Variants in GREB1L observed in about 807,000 individuals in gnomAD.
GREB1L encodes the protein GREB1 like retinoic acid receptor coactivator, also known as GREB1-like protein.
GREB1L carries 17 observed loss-of-function variants against 200.8 expected under a neutral mutation model. The ratio of observed to expected loss-of-function variants is 0.08; its 90% CI spans 0.06 to 0.13. GREB1L has a LOEUF of 0.13. Ranked by LOEUF, GREB1L falls within the 10% of genes least tolerant of loss-of-function variation. The pLI is 1.00. For missense variants in GREB1L, 1,657 were observed against 2,367.7 expected (o/e 0.70, Z 6.23); for synonymous variants, 789 against 893.0 (o/e 0.88, Z 2.08).
chr18:21,316,036 C>T (rs536023809), intron 1 of GREB1L, among the ~76,000 whole-genome samples: 3 of 152,210 alleles, frequency 2.0e-5, no homozygotes, highest in East Asian at 1.9e-4. Flanking sequence ...ACCTTTTCAT[C>T]GTGGCATTTC....
chr18:21,321,166 C>T (rs1423217130), intron 1 of GREB1L, among the ~76,000 whole-genome samples: 1 of 151,336 alleles, frequency 6.6e-6, no homozygotes, highest in African/African-American at 2.4e-5. Flanking sequence ...TGGTGGCATG[C>T]GCCTGTAATC....
At chr18:21,404,592 G>C (rs1348382077) in intron 7 of GREB1L, among the ~76,000 whole-genome samples, 1 of 152,206 alleles carries the variant, frequency 6.6e-6, no homozygotes, top group Middle Eastern at 3.2e-3. Context: ...CTACCAGTCT[G>C]AGGCTTCTAA....
At chr18:21,354,725 A>G (rs2039479832) in intron 1 of GREB1L, among the ~76,000 whole-genome samples, 1 of 152,178 alleles carries the variant, frequency 6.6e-6, no homozygotes, top group South Asian at 2.1e-4. Flanking sequence ...GGGCAAAAGA[A>G]GTTTAAATAG....
At chr18:21,440,232 G>A in intron 8 of GREB1L, 37 bp from the exon 9 acceptor site, 1 of 1,549,802 alleles carries the variant, frequency 6.5e-7, no homozygotes, top group Non-Finnish European at 8.7e-7. Context: ...CTGAGAACAA[G>A]ACTATCTCTT....
At chr18:21,429,189 T>TTCCCC (rs1222410281) in intron 7 of GREB1L, among the ~76,000 whole-genome samples, 44 of 35,264 alleles carry the variant, frequency 1.2e-3, no homozygotes, top group Non-Finnish European at 1.9e-3. Context: ...TTCCCCTCCC[T>TTCCCC]TCCCCTCCCC....
intron 6 of GREB1L, among the ~76,000 whole-genome samples, chr18:21,403,607 C>T (rs1277839137): frequency 1.3e-5 from 2 of 152,110 alleles, no homozygotes; most frequent in Admixed American, 6.6e-5. Flanking sequence ...ATATTGGTTA[C>T]GAGTATTTTT....
intron 11 of GREB1L, among the ~76,000 whole-genome samples, chr18:21,445,895 T>A (rs751910401): frequency 6.6e-6 from 1 of 152,224 alleles, no homozygotes; most frequent in Non-Finnish European, 1.5e-5. Flanking sequence ...GATTATAGAC[T>A]GTGTTCTAAG....
intron 1 of GREB1L, among the ~76,000 whole-genome samples, chr18:21,291,194 A>AC (rs1268058902): frequency 1.3e-5 from 2 of 152,086 alleles, no homozygotes; most frequent in African/African-American, 4.8e-5. Context: ...TGAGGACCTG[A>AC]CCCATTGTTC....
rs143205105 is a variant in GREB1L, at chr18:21,400,417, T to A, written c.533-733T>A. ...AGGGGAAATAGGAATCTCATGGAACTCCTGTCAGAAAGTATAGCTAGATCT... is the reference window on the plus strand; with the variant it reads ...AGGGGAAATAGGAATCTCATGGAACACCTGTCAGAAAGTATAGCTAGATCT... On this transcript the variant is annotated intron_variant, in intron 5 of 32. Transcript: ENST00000424526. Among the ~76,000 whole-genome samples, 130 of 152,258 alleles carry A rather than the reference T, an allele frequency of 8.5e-4. 1 individual carries two copies. Among genetic ancestry groups the A allele is most frequent in the African/African-American group, 3.0e-3 (125 of 41,566 alleles).
intron 1 of GREB1L, among the ~76,000 whole-genome samples, chr18:21,354,692 C>A (rs563085472): frequency 6.6e-6 from 1 of 152,152 alleles, no homozygotes; most frequent in South Asian, 2.1e-4. Context: ...CCATTAGGAG[C>A]CATGCTTGAG....
At chr18:21,411,433 C>G (rs1204064605) in intron 7 of GREB1L, among the ~76,000 whole-genome samples, 1 of 151,840 alleles carries the variant, frequency 6.6e-6, no homozygotes, top group African/African-American at 2.4e-5. Flanking sequence ...GTCTCGATCT[C>G]CTGACCTCAT....
chr18:21,478,541 GT>G (rs2035798046), intron 17 of GREB1L, among the ~76,000 whole-genome samples: 1 of 152,186 alleles, frequency 6.6e-6, no homozygotes, highest in Non-Finnish European at 1.5e-5. Context: ...AAGTAGGTAA[GT>G]TCTCTGACTT....
chr18:21,464,243 TA>T (rs1339251936), intron 15 of GREB1L, among the ~76,000 whole-genome samples: 2 of 151,976 alleles, frequency 1.3e-5, no homozygotes, highest in Admixed American at 1.3e-4. Flanking sequence ...AAAATGTCAT[TA>T]GGGGGCCGGG....
intron 3 of GREB1L, 33 bp from the exon 4 acceptor site, chr18:21,384,173 A>G: frequency 7.3e-7 from 1 of 1,373,006 alleles, no homozygotes; most frequent in Non-Finnish European, 1.0e-6. Flanking sequence ...GCATCTTTTT[A>G]TTAAATCTGC....
chr18:21,277,341 G>T (rs913981621), intron 1 of GREB1L, among the ~76,000 whole-genome samples: 1 of 152,124 alleles, frequency 6.6e-6, no homozygotes, highest in African/African-American at 2.4e-5. Flanking sequence ...GCCATGCTAG[G>T]GGTACCCTTT....
chr18:21,496,369 G>A, intron 20 of GREB1L, 85 bp from the exon 21 acceptor site: 5 of 1,417,570 alleles, frequency 3.5e-6, no homozygotes, highest in Non-Finnish European at 4.8e-6. Context: ...TAACTGCTGT[G>A]TGTTGCATCC....
chr18:21,389,828 G>A (rs1000695597), intron 4 of GREB1L, among the ~76,000 whole-genome samples: 1 of 152,142 alleles, frequency 6.6e-6, no homozygotes, highest in Non-Finnish European at 1.5e-5. Flanking sequence ...GGTGAATGCC[G>A]ACACAGTCAA....
chr18:21,471,706 C>T (rs909088125), intron 15 of GREB1L, among the ~76,000 whole-genome samples: 13 of 151,012 alleles, frequency 8.6e-5, no homozygotes, highest in Admixed American at 2.0e-4. Flanking sequence ...ACCGCAACCT[C>T]GGCCTCCTGG....
chr18:21,451,818 A>G (rs960511823), intron 13 of GREB1L, among the ~76,000 whole-genome samples: 3 of 152,004 alleles, frequency 2.0e-5, no homozygotes, highest in East Asian at 1.9e-4. Flanking sequence ...TTCTAATCCC[A>G]TTCTGTCTGC....
Sources: allele counts gnomAD v4.1 joint callset (sites outside exome capture counted in the v4.1 genomes callset), GRCh38; gene constraint gnomAD v4.1.1; transcripts MANE v1.5; gene names NCBI Gene and HGNC (gene_info 2026-07-23, HGNC 2026-07-21).